The following TCF23 variants were observed in gnomAD, a reference collection of about 807,000 sequenced individuals.
The protein encoded by TCF23 is class A basic helix-loop-helix protein 24.
Under a neutral mutation model 13.0 loss-of-function variants are expected in TCF23, and 7 were observed. That is an observed-to-expected ratio of 0.54 (90% CI 0.31 to 1.01). The LOEUF is 1.01. Ranked by LOEUF, TCF23 falls within the 50% of genes least tolerant of loss-of-function variation. The pLI is 0.06. For synonymous variants in TCF23, 122 were observed against 119.5 expected, an observed-to-expected ratio of 1.02 and a Z score of -0.14; for missense variants, 257 against 289.8, an observed-to-expected ratio of 0.89 and a Z score of 0.82.
rs578027035 is a variant in TCF23, at chr2:27,151,561, C to T, written c.466-1127C>T. On this transcript the variant is annotated intron_variant, in intron 2 of 2. Coordinates refer to ENST00000296096, the MANE Select transcript of TCF23 (RefSeq NM_175769.3). ...TTTGGCCAGGTTGGTCTCAAACTCC[C>T]GACCTCAGATGATCCACCCACTACG... 7.2e-5 allele frequency among the ~76,000 whole-genome samples: 11 copies of T among 152,100 alleles called. No individual in the cohort carries two copies. The South Asian group carries it at 1.7e-3, about 23-fold the overall frequency.
At chr2:27,149,387 AGG>A (rs1572358163) in intron 1 of TCF23, 32 bp downstream of exon 1, 2 of 1,545,928 alleles carry the variant, frequency 1.3e-6, no homozygotes, top group Admixed American at 2.0e-5. Flanking sequence ...AGAGGGGTCC[AGG>A]GGAGGAAGGG....
At chr2:27,152,581 G>T in intron 2 of TCF23, 107 bp from the exon 3 acceptor site, 1 of 1,290,108 alleles carries the variant, frequency 7.8e-7, no homozygotes, top group Non-Finnish European at 1.1e-6. Flanking sequence ...GCTGGGGAAG[G>T]TGTCAGGGAG....
rs778487028 is a variant in TCF23, at chr2:27,149,253, A to G, written c.120A>G (p.Thr40=). The change falls in exon 1 of 3, where the codon ACA becomes ACG. Residue 40 remains threonine (T), a synonymous_variant. Coordinates refer to ENST00000296096, the MANE Select transcript of TCF23 (RefSeq NM_175769.3). ...GGAAGAGGAGCCGCCTCAGCAGGACAAGGCAGGACCCGTGGGAAGAAAGAA... is the reference window on the plus strand; with the variant it reads ...GGAAGAGGAGCCGCCTCAGCAGGACGAGGCAGGACCCGTGGGAAGAAAGAA... ...ADRKRSRLSR[T]RQDPWEERSW... 5.7e-6 allele frequency: 9 copies of G among 1,585,644 alleles called. No homozygotes were observed. The highest frequency in any genetic ancestry group is 7.7e-6 in the Non-Finnish European group (9 of 1,166,082).
rs111812514 is a variant in TCF23, at chr2:27,153,508, C to CTCTTTTCTTTTCTTT, written c.*654_*668dup. ...CCCTCTCGGCTCCTGCACTCTTCCA[C>CTCTTTTCTTTTCTTT]TCTTTTCTTTTCTTTTCTTTTCTTT... On this transcript the variant is annotated 3_prime_UTR_variant, in exon 3 of 3. Coordinates refer to ENST00000296096, the MANE Select transcript of TCF23 (RefSeq NM_175769.3). 11,540 of 150,468 alleles carry CTCTTTTCTTTTCTTT rather than the reference C, an allele frequency of 0.077. 600 individuals carry two copies. Among genetic ancestry groups the CTCTTTTCTTTTCTTT allele is most frequent in the Middle Eastern group, 0.098 (29 of 296 alleles). 9.3% of individuals were successfully genotyped at this position (150,468 alleles called of 1,614,324 possible). A position where few individuals can be genotyped will look rare whatever the true frequency, so the allele number is the denominator to read the frequency against.
chr2:27,152,576 G>C, intron 2 of TCF23, 112 bp from the exon 3 acceptor site: 1 of 1,235,558 alleles, frequency 8.1e-7, no homozygotes, highest in Non-Finnish European at 1.1e-6. Context: ...TGATGGCTGG[G>C]GAAGGTGTCA....
rs1672812525 is a variant in TCF23, at chr2:27,154,796, G to A, written c.*1929G>A. On this transcript the variant is annotated 3_prime_UTR_variant, in exon 3 of 3. Transcript: ENST00000296096. ...AAGACCATAAAAGTCCAGCTAGAAT[G>A]TACTATTTTTAAAGCCAAACAGCAG... 1 of 152,374 alleles carries A rather than the reference G, an allele frequency of 6.6e-6. No individual in the cohort carries two copies. The highest frequency in any genetic ancestry group is 1.5e-5 in the Non-Finnish European group (1 of 68,128). 9.4% of individuals were successfully genotyped at this position (152,374 alleles called of 1,614,324 possible).
Position 27,149,243 on chromosome 2 carries a change from T to A in TCF23, c.110T>A (p.Leu37His). ...GGCGCTGACAGGAAGAGGAGCCGCC[T>A]CAGCAGGACAAGGCAGGACCCGTGG... ...LPGADRKRSR[L>H]SRTRQDPWEE... is the part of the protein sequence containing the mutation. Residue 37 changes from leucine to histidine, a missense_variant, in exon 1 of 3, where the codon CTC (leucine) becomes CAC (histidine). Physicochemically the swap from Leu to His is moderately conservative, Grantham distance 99. Transcript: ENST00000296096. 6.3e-7 allele frequency: 1 copy of A among 1,577,692 alleles called. No individual in the cohort carries two copies. The highest frequency in any genetic ancestry group is 1.9e-5 in the Admixed American group (1 of 54,042).
Position 27,152,942 on chromosome 2 carries a change from C to A in TCF23, c.*75C>A. 6.4e-7 allele frequency: 1 copy of A among 1,552,108 alleles called. No individual in the cohort carries two copies. Among genetic ancestry groups the A allele is most frequent in the South Asian group, 1.3e-5 (1 of 79,636 alleles). ...TGGATTTTCTACCAGCCCCCAGATT[C>A]TCAGCCATCAGACTTGACTCAGACT... On this transcript the variant is annotated 3_prime_UTR_variant, in exon 3 of 3. Transcript: ENST00000296096.
At position 27,150,261 on chromosome 2, in the gene TCF23, G is replaced by A. The variant is rs757041920; in HGVS notation, c.361G>A (p.Ala121Thr). ...KLSKLDVLVL[A>T]ASYIAHLTRT... ...CTCCAAGTTGGACGTGCTGGTGCTC[G>A]CCGCCAGCTACATAGCCCACCTCAC... The change falls in exon 2 of 3, where the codon GCC becomes ACC. Residue 121 changes from alanine (A) to threonine (T), a missense_variant. Ala to Thr is a moderately conservative substitution (Grantham distance 58). Coordinates refer to ENST00000296096, the MANE Select transcript of TCF23 (RefSeq NM_175769.3). The surrounding 1 kb of genome is among the most constrained non-coding windows in gnomAD (Gnocchi z 4.1). The A allele has an allele frequency of 2.5e-5, 40 of 1,613,566 alleles. No homozygotes were observed. The highest frequency in any genetic ancestry group is 1.1e-4 in the African/African-American group (8 of 74,918).
At chr2:27,151,283 G>A (rs1041224760) in intron 2 of TCF23, among the ~76,000 whole-genome samples, 2 of 152,114 alleles carry the variant, frequency 1.3e-5, no homozygotes, top group Non-Finnish European at 2.9e-5. Flanking sequence ...TTTGCCCTCT[G>A]AGGATAACAT....
In TCF23 at chr2:27,150,462, C is replaced by T; in HGVS notation, c.465+97C>T. 6.5e-7 allele frequency: 1 copy of T among 1,549,190 alleles called. No homozygotes were observed. The highest frequency in any genetic ancestry group is 8.8e-7 in the Non-Finnish European group (1 of 1,141,960). On this transcript the variant is annotated intron_variant, in intron 2 of 2. Coordinates refer to ENST00000296096, the MANE Select transcript of TCF23 (RefSeq NM_175769.3). The surrounding 1 kb of genome is among the most constrained non-coding windows in gnomAD (Gnocchi z 4.1). ...AGGGGGGACATTGGACTTGGGCCCC[C>T]TGCCCTGTGCAGAACTGACGTCGGA...
At chr2:27,149,703 C>T (rs1452374946) in intron 1 of TCF23, 1 of 588,850 alleles carries the variant, frequency 1.7e-6, no homozygotes. Flanking sequence ...TTCCTCTTTC[C>T]CACAGCAGCC....
Position 27,150,285 on chromosome 2 carries a change from A to G in TCF23, c.385A>G (p.Thr129Ala). 6.2e-7 allele frequency: 1 copy of G among 1,613,338 alleles called. No homozygotes were observed. The highest frequency in any genetic ancestry group is 8.5e-7 in the Non-Finnish European group (1 of 1,179,900). The change falls in exon 2 of 3, where the codon ACC becomes GCC. Residue 129 changes from threonine (T) to alanine (A), a missense_variant. Thr to Ala is a moderately conservative substitution (Grantham distance 58). Transcript: ENST00000296096. This position sits in a 1 kb window ranked among gnomAD's most constrained non-coding sequence, Gnocchi z 4.1. ...CGCCGCCAGCTACATAGCCCACCTC[A>G]CCCGCACACTCGGCCACGAGTTGCC... Reference protein sequence around the residue: ...VLAASYIAHLTRTLGHELPGP... With the variant: ...VLAASYIAHLARTLGHELPGP...
Position 27,153,127 on chromosome 2 carries a change from A to T in TCF23, c.*260A>T. On this transcript the variant is annotated 3_prime_UTR_variant, in exon 3 of 3. Transcript: ENST00000296096. ...AGCTACTGGGAAGTGGGAGAGAAAG[A>T]GGTATAATTGGGCTCAAAGTTGAGG... 1.3e-6 allele frequency: 1 copy of T among 754,724 alleles called. No individual in the cohort carries two copies. Among genetic ancestry groups the T allele is most frequent in the Non-Finnish European group, 1.8e-6 (1 of 546,760 alleles). 46.8% of individuals were successfully genotyped at this position (754,724 alleles called of 1,614,324 possible).
chr2:27,150,105 C>G lies in TCF23; in HGVS notation c.223-18C>G, dbSNP rs746157424. On this transcript the variant is annotated intron_variant, in intron 1 of 2. Transcript: ENST00000296096. The surrounding 1 kb of genome is among the most constrained non-coding windows in gnomAD (Gnocchi z 4.1). ...TGGGAGTCCAGGTCACACACACTCA[C>G]TGGGGCCCTCTGTGCAGAGCGAGGC... 1.3e-6 allele frequency: 2 copies of G among 1,588,844 alleles called. No individual in the cohort carries two copies. Among genetic ancestry groups the G allele is most frequent in the Non-Finnish European group, 1.7e-6 (2 of 1,170,168 alleles).
In TCF23 at chr2:27,156,857, C is replaced by T. The variant is rs547210071; in HGVS notation, c.*3990C>T. The T allele has an allele frequency of 1.2e-4, 18 of 152,374 alleles. No individual in the cohort carries two copies. The highest frequency in any genetic ancestry group is 4.3e-4 in the African/African-American group (18 of 41,600). The allele number at this position is 152,374 out of a possible 1,614,324, so 9.4% of individuals were successfully genotyped here. ...TCCCTTTTGTGGCATGAGCCCTAAA[C>T]CCAGGGCCCCTAAAAGCTTATTCTA... is the stretch of plus-strand genomic sequence containing the variant. On this transcript the variant is annotated 3_prime_UTR_variant, in exon 3 of 3. Transcript: ENST00000296096.
At position 27,153,286 on chromosome 2, in the gene TCF23, A is replaced by G; in HGVS notation, c.*419A>G. Reference sequence around the variant, plus strand: ...TGATGGGAAAGCCAGGTGGCCGGATAGGCTCCTGGTAGCTCCAAGTGTAAA... The same window carrying G: ...TGATGGGAAAGCCAGGTGGCCGGATGGGCTCCTGGTAGCTCCAAGTGTAAA... On this transcript the variant is annotated 3_prime_UTR_variant, in exon 3 of 3. Transcript: ENST00000296096. 1 of 162,698 alleles carries G rather than the reference A, an allele frequency of 6.1e-6. No individual in the cohort carries two copies. Among genetic ancestry groups the G allele is most frequent in the Non-Finnish European group, 1.3e-5 (1 of 74,844 alleles). The allele number at this position is 162,698 out of a possible 1,614,324, so 10.1% of individuals were successfully genotyped here. A position where few individuals can be genotyped will look rare whatever the true frequency, so the allele number is the denominator to read the frequency against.
At position 27,150,083 on chromosome 2, in the gene TCF23, G is replaced by T; in HGVS notation, c.223-40G>T. The T allele has an allele frequency of 6.4e-7, 1 of 1,573,748 alleles. No homozygotes were observed. The highest frequency in any genetic ancestry group is 1.1e-5 in the South Asian group (1 of 88,884). ...CGCTCTCAGAAGTCAGGGCAGTTGG[G>T]AGTCCAGGTCACACACACTCACTGG... On this transcript the variant is annotated intron_variant, in intron 1 of 2. Coordinates refer to ENST00000296096, the MANE Select transcript of TCF23 (RefSeq NM_175769.3). This position sits in a 1 kb window ranked among gnomAD's most constrained non-coding sequence, Gnocchi z 4.1.
chr2:27,149,923 A>T, intron 1 of TCF23, 200 bp from the exon 2 acceptor site: 1 of 804,736 alleles, frequency 1.2e-6, no homozygotes, highest in Non-Finnish European at 2.0e-6. Flanking sequence ...CAGCCATCTG[A>T]CCCCTGGCCA....
Sources: gnomAD v4.1 joint callset for allele counts (sites outside exome capture counted in the v4.1 genomes callset) on GRCh38, gnomAD v4.1.1 for gene constraint, Gnocchi (gnomAD v3.1) non-coding constraint, MANE v1.5 for transcripts, NCBI Gene and HGNC (gene_info 2026-07-23, HGNC 2026-07-21) for gene names.